Variants in RHD observed in about 807,000 individuals in gnomAD.
RHD encodes Rh blood group D antigen.
RHD carries 16 observed loss-of-function variants against 45.5 expected under a neutral mutation model. The observed-to-expected ratio is 0.35, with a 90% CI of 0.24 to 0.53. RHD has a LOEUF of 0.53. Among genes scored for constraint, RHD ranks in the 20% least tolerant of loss-of-function variants. The pLI is 0.92. For synonymous variants in RHD, 131 were observed against 217.5 expected (o/e 0.60, Z 3.50); for missense variants, 306 against 532.0 (o/e 0.58, Z 4.18).
intron 2 of RHD, among the ~76,000 whole-genome samples, chr1:25,286,499 T>A (rs1642005006): frequency 7.5e-6 from 1 of 133,612 alleles, no homozygotes; most frequent in African/African-American, 2.6e-5. Flanking sequence ...AAAAAACAGT[T>A]TTAGGGGCCG....
At chr1:25,276,557 T>TAAAAAAAAAAAAAAA (rs1641013640) in intron 1 of RHD, among the ~76,000 whole-genome samples, 1 of 77,574 alleles carries the variant, frequency 1.3e-5, no homozygotes, top group African/African-American at 7.6e-5. Context: ...AAAAAAAAAC[T>TAAAAAAAAAAAAAAA]TTAAAATTTA....
chr1:25,329,197 G>C lies in RHD; in HGVS notation c.*273G>C, dbSNP rs1644929249. 8.2e-6 allele frequency: 6 copies of C among 733,800 alleles called. 1 individual carries two copies. The Admixed American group carries it at 1.5e-4, about 18-fold the overall frequency. The allele number at this position is 733,800 out of a possible 1,614,324, so 45.5% of individuals were successfully genotyped here. On this transcript the variant is annotated 3_prime_UTR_variant, in exon 10 of 10. Coordinates refer to ENST00000328664, the MANE Select transcript of RHD (RefSeq NM_016124.6). ...AACAACAGACTGCATATATGATGGTGGTCATCCAGTAAGCTAAGGTTAATT... is the reference window on the plus strand; with the variant it reads ...AACAACAGACTGCATATATGATGGTCGTCATCCAGTAAGCTAAGGTTAATT...
At chr1:25,272,754 G>A in intron 1 of RHD, 59 bp downstream of exon 1, 1 of 1,370,350 alleles carries the variant, frequency 7.3e-7, no homozygotes. Flanking sequence ...GGGCGGGGGA[G>A]GCCTGTGGTT....
Position 25,290,583 on chromosome 1 carries a change from GAA to G in RHD, c.336-57_336-56del, listed in dbSNP as rs1433812129. 54 of 1,200,420 alleles carry G rather than the reference GAA, an allele frequency of 4.5e-5. 7 individuals are homozygous for G. The East Asian group carries it at 5.2e-4, about 12-fold the overall frequency. 74.4% of individuals were successfully genotyped at this position (1,200,420 alleles called of 1,614,324 possible). A position where few individuals can be genotyped will look rare whatever the true frequency, so the allele number is the denominator to read the frequency against. On this transcript the variant is annotated intron_variant, in intron 2 of 9. Coordinates refer to ENST00000328664, the MANE Select transcript of RHD (RefSeq NM_016124.6). ...TGAATGAATGAATGAATGAATGAAT[GAA>G]TGAGTGAGAGGCATCCTTCCTTCTC...
At chr1:25,310,791 G>A (rs1335202493) in intron 7 of RHD, among the ~76,000 whole-genome samples, 1 of 131,998 alleles carries the variant, frequency 7.6e-6, no homozygotes, top group African/African-American at 2.6e-5. Context: ...AGCTAACATG[G>A]TGAAACGCTG....
Position 25,284,628 on chromosome 1 carries a change from T to C in RHD, c.204T>C (p.Ser68=). 1 of 1,388,604 alleles carries C rather than the reference T, an allele frequency of 7.2e-7. No homozygotes were observed. Among genetic ancestry groups the C allele is most frequent in the South Asian group, 1.2e-5 (1 of 85,474 alleles). 86.0% of individuals were successfully genotyped at this position (1,388,604 alleles called of 1,614,324 possible). ...AAIGLGFLTS[S]FRRHSWSSVA... is the part of the protein sequence containing the mutation. ...TTGGCTTGGGCTTCCTCACCTCGAG[T>C]TTCCGGAGACACAGCTGGAGCAGTG... The change falls in exon 2 of 10, where the codon AGT becomes AGC. Residue 68 remains serine (S), a synonymous_variant. Coordinates refer to ENST00000328664, the MANE Select transcript of RHD (RefSeq NM_016124.6).
In RHD at chr1:25,320,969, G is replaced by A. The variant is rs1644666580; in HGVS notation, c.1154-920G>A. On this transcript the variant is annotated intron_variant, in intron 8 of 9. Coordinates refer to ENST00000328664, the MANE Select transcript of RHD (RefSeq NM_016124.6). ...TGAGGTGGGAGGGTTGCTTGACCCC[G>A]GGAGTTTGAGGCTGCAATGAGCTGT... Among the ~76,000 whole-genome samples the A allele has an allele frequency of 7.6e-5, 10 of 131,448 alleles. 3 individuals carry two copies. The highest frequency in any genetic ancestry group is 2.3e-4 in the South Asian group (1 of 4,266). 86.2% of individuals were successfully genotyped at this position (131,448 alleles called of 152,430 possible).
At chr1:25,282,185 A>G (rs1641544043) in intron 1 of RHD, among the ~76,000 whole-genome samples, 1 of 133,018 alleles carries the variant, frequency 7.5e-6, no homozygotes, top group East Asian at 1.9e-4. Context: ...TAAGCAACTT[A>G]CAAGACCACA....
rs199898838 is a variant in RHD at position 25,282,653 on chromosome 1, G to A, written c.149-1920G>A. On this transcript the variant is annotated intron_variant, in intron 1 of 9. Transcript: ENST00000328664. ...GAAAAACATTGTCTAGGCTGGGCAC[G>A]ATGGCTCATGCCTGTAATCCCAGCA... Among the ~76,000 whole-genome samples the A allele has an allele frequency of 2.1e-4, 28 of 132,332 alleles. 3 individuals carry two copies. The East Asian group carries it at 3.5e-3, about 17-fold the overall frequency. The allele number at this position is 132,332 out of a possible 152,430, so 86.8% of individuals were successfully genotyped here.
chr1:25,282,428 T>A (rs1641568583), intron 1 of RHD, among the ~76,000 whole-genome samples: 1 of 129,878 alleles, frequency 7.7e-6, no homozygotes, highest in South Asian at 2.4e-4. Flanking sequence ...AGAGACGGGG[T>A]TTCACCATGT....
At chr1:25,286,801 A>AAAC (rs1307104900) in intron 2 of RHD, among the ~76,000 whole-genome samples, 3 of 132,786 alleles carry the variant, frequency 2.3e-5, no homozygotes, top group African/African-American at 7.9e-5. Flanking sequence ...AAAAAAACAA[A>AAAC]AACAGTTTTA....
intron 9 of RHD, among the ~76,000 whole-genome samples, chr1:25,323,238 T>A (rs1348898084): frequency 1.4e-5 from 1 of 70,592 alleles, no homozygotes; most frequent in African/African-American, 4.5e-5. Flanking sequence ...TAAGAGAGAG[T>A]CAATCAAGTT....
Position 25,282,951 on chromosome 1 carries a change from A to T in RHD, c.149-1622A>T, listed in dbSNP as rs1641629931. ...AAAATTTAAACACTAAAACTAAAAA[A>T]GTAAAACACCTCCCAAACTTAGAGA... On this transcript the variant is annotated intron_variant, in intron 1 of 9. Transcript: ENST00000328664. 1.5e-5 allele frequency among the ~76,000 whole-genome samples: 2 copies of T among 132,638 alleles called. 1 individual carries two copies. Among genetic ancestry groups the T allele is most frequent in the African/African-American group, 5.1e-5 (2 of 39,006 alleles). The allele number at this position is 132,638 out of a possible 152,430, so 87.0% of individuals were successfully genotyped here. A position where few individuals can be genotyped will look rare whatever the true frequency, so the allele number is the denominator to read the frequency against.
At chr1:25,307,423 A>T (rs1643906525) in intron 7 of RHD, among the ~76,000 whole-genome samples, 2 of 132,384 alleles carry the variant, frequency 1.5e-5, no homozygotes, top group Admixed American at 1.5e-4. Flanking sequence ...AAAATGAAAA[A>T]GTGAATTGGG....
rs1232882182 is a variant in RHD, at chr1:25,292,095, T to A, written c.486+1304T>A. ...CTTAGAGCTTTAGTTTCTTCATCTG[T>A]AATATGAGGGTAGCAGTACTACCAC... On this transcript the variant is annotated intron_variant, in intron 3 of 9. Coordinates refer to ENST00000328664, the MANE Select transcript of RHD (RefSeq NM_016124.6). Among the ~76,000 whole-genome samples the A allele has an allele frequency of 3.0e-5, 4 of 132,536 alleles. 1 individual carries two copies. Among genetic ancestry groups the A allele is most frequent in the Non-Finnish European group, 7.2e-5 (4 of 55,878 alleles). 86.9% of individuals were successfully genotyped at this position (132,536 alleles called of 152,430 possible).
intron 3 of RHD, among the ~76,000 whole-genome samples, chr1:25,291,324 C>T (rs1642485263): frequency 7.7e-6 from 1 of 130,506 alleles, no homozygotes; most frequent in African/African-American, 2.6e-5. Context: ...CAAAATTTAG[C>T]TGGGCATGGT....
chr1:25,278,026 C>T lies in RHD; in HGVS notation c.148+5331C>T, dbSNP rs1223469689. ...AATAAAATAAATAAAACTAGAATTG[C>T]TTGTTTTCTTCCAGCTACCCTGGTG... is the stretch of plus-strand genomic sequence containing the variant. On this transcript the variant is annotated intron_variant, in intron 1 of 9. Coordinates refer to ENST00000328664, the MANE Select transcript of RHD (RefSeq NM_016124.6). 3.1e-5 allele frequency among the ~76,000 whole-genome samples: 4 copies of T among 130,432 alleles called. 1 individual carries two copies. Among genetic ancestry groups the T allele is most frequent in the Non-Finnish European group, 7.3e-5 (4 of 55,036 alleles). 85.6% of individuals were successfully genotyped at this position (130,432 alleles called of 152,430 possible).
intron 1 of RHD, among the ~76,000 whole-genome samples, chr1:25,282,848 T>C (rs1641618818): frequency 7.7e-6 from 1 of 129,140 alleles, no homozygotes; most frequent in Non-Finnish European, 1.8e-5. Flanking sequence ...CGAGCCGAGA[T>C]CGCACCACTG....
At chr1:25,276,662 C>T (rs1466843762) in intron 1 of RHD, among the ~76,000 whole-genome samples, 3 of 128,730 alleles carry the variant, frequency 2.3e-5, no homozygotes, top group Admixed American at 1.5e-4. Context: ...TGCAGTGGGA[C>T]GGGATTGTAC....
Sources: gnomAD v4.1 joint callset for allele counts (sites outside exome capture counted in the v4.1 genomes callset) on GRCh38, gnomAD v4.1.1 for gene constraint, MANE v1.5 for transcripts, NCBI Gene and HGNC (gene_info 2026-07-23, HGNC 2026-07-21) for gene names.